C19orf44: variants seen among roughly 807,000 people sequenced by gnomAD.
C19orf44 encodes the protein chromosome 19 open reading frame 44, also known as uncharacterized protein C19orf44.
C19orf44 carries 43 observed loss-of-function variants against 50.7 expected under a neutral mutation model. That is an observed-to-expected ratio of 0.85 (90% CI 0.66 to 1.09). The LOEUF (loss-of-function observed/expected upper bound fraction) is 1.09, where lower values mean the gene tolerates loss of function less well. Ranked by LOEUF, C19orf44 falls within the 50% of genes least tolerant of loss-of-function variation. The pLI, the probability that C19orf44 is intolerant of heterozygous loss-of-function variation, is 0.00. For synonymous variants in C19orf44, 298 were observed against 334.7 expected, an observed-to-expected ratio of 0.89 and a Z score of 1.20; for missense variants, 722 against 836.2, an observed-to-expected ratio of 0.86 and a Z score of 1.68.
intron 1 of C19orf44, among the ~76,000 whole-genome samples, chr19:16,500,356 C>CTT (rs374785196): frequency 1.4e-5 from 2 of 138,508 alleles, no homozygotes; most frequent in Admixed American, 7.2e-5. Context: ...TTTTCTTTTT[C>CTT]TTTTTTTTTT....
chr19:16,510,798 C>T (rs2093455042), intron 5 of C19orf44, among the ~76,000 whole-genome samples: 1 of 152,032 alleles, frequency 6.6e-6, no homozygotes, highest in Admixed American at 6.6e-5. Flanking sequence ...TACAGTGACC[C>T]AATCATAGCT....
At chr19:16,514,440 G>A (rs547100989) in intron 6 of C19orf44, 57 bp from the exon 7 acceptor site, 24 of 1,499,892 alleles carry the variant, frequency 1.6e-5, no homozygotes, top group Middle Eastern at 3.6e-4. Context: ...GTGGGGGGGG[G>A]GCTGCAGAAT....
intron 1 of C19orf44, among the ~76,000 whole-genome samples, chr19:16,498,143 T>C (rs531142277): frequency 2.0e-5 from 3 of 152,248 alleles, no homozygotes; most frequent in South Asian, 4.2e-4. Flanking sequence ...TTGCATACAT[T>C]TGCATTTCTC....
intron 6 of C19orf44, 59 bp downstream of exon 6, chr19:16,513,168 C>T: frequency 2.0e-6 from 3 of 1,526,606 alleles, no homozygotes; most frequent in Non-Finnish European, 2.7e-6. Context: ...ATTTCACCTG[C>T]AGATTCACAC....
chr19:16,497,108 G>C (rs2093411533), intron 1 of C19orf44, among the ~76,000 whole-genome samples: 1 of 151,988 alleles, frequency 6.6e-6, no homozygotes, highest in Non-Finnish European at 1.5e-5. Flanking sequence ...ACTGCACTCC[G>C]GCTAATTTTT....
chr19:16,504,631 G>A (rs111330967), intron 3 of C19orf44, among the ~76,000 whole-genome samples: 54 of 151,110 alleles, frequency 3.6e-4, no homozygotes, highest in Non-Finnish European at 7.2e-4. Context: ...TTGTTTTTTT[G>A]AGATGTTGCC....
intron 1 of C19orf44, among the ~76,000 whole-genome samples, chr19:16,498,615 G>T (rs1046469925): frequency 6.6e-6 from 1 of 151,392 alleles, no homozygotes; most frequent in Non-Finnish European, 1.5e-5. Flanking sequence ...CACTTGTTAC[G>T]TGTATTTTTG....
At chr19:16,506,467 C>T (rs2093440919) in intron 3 of C19orf44, among the ~76,000 whole-genome samples, 1 of 151,988 alleles carries the variant, frequency 6.6e-6, no homozygotes, top group African/African-American at 2.4e-5. Context: ...GTGTCAGGCA[C>T]CTGTAATCCC....
At chr19:16,514,154 A>AT (rs531759810) in intron 6 of C19orf44, among the ~76,000 whole-genome samples, 8,612 of 144,940 alleles carry the variant, frequency 0.059, 256 homozygotes, top group South Asian at 0.082. Context: ...CACCTGGCTA[A>AT]TTTTTTTTTT....
At position 16,501,067 on chromosome 19, in the gene C19orf44, C is replaced by T; in HGVS notation, c.275C>T (p.Ala92Val). ...ACTGCCTCCAGGATCCGAGCCAATG[C>T]CGCACTCATGAAGCTGGCCCAGCTG... is the stretch of plus-strand genomic sequence containing the variant. The part of the protein sequence containing the change: ...PTTASRIRAN[A>V]ALMKLAQLET... Residue 92 changes from alanine to valine, a missense_variant, in exon 2 of 9, where the codon GCC (alanine) becomes GTC (valine). Ala to Val is a moderately conservative substitution (Grantham distance 64). Transcript: ENST00000221671. 6.2e-7 allele frequency: 1 copy of T among 1,614,138 alleles called. No homozygotes were observed. Among genetic ancestry groups the T allele is most frequent in the African/African-American group, 1.3e-5 (1 of 75,052 alleles).
intron 8 of C19orf44, chr19:16,518,639 G>A (rs2085572111): frequency 6.5e-6 from 1 of 154,020 alleles, no homozygotes; most frequent in Admixed American, 6.5e-5. Flanking sequence ...TTGTGTTTCT[G>A]TTTTTCAATC....
chr19:16,519,013 G>A lies in C19orf44; in HGVS notation c.*41-1081G>A, dbSNP rs547989327. ...AGCACGGCGTTCCCACTGGGCATGC[G>A]CTGGTCTTCCTTCTCTTCCTGTGGC... On this transcript the variant is annotated intron_variant, in intron 8 of 8. Transcript: ENST00000221671. The surrounding 1 kb of genome is among the most constrained non-coding windows in gnomAD (Gnocchi z 6.0). The A allele has an allele frequency of 5.2e-5, 40 of 772,944 alleles. No homozygotes were observed. In the African/African-American group the frequency reaches 5.6e-4, roughly 11 times the overall value. The allele number at this position is 772,944 out of a possible 1,614,324, so 47.9% of individuals were successfully genotyped here. A position where few individuals can be genotyped will look rare whatever the true frequency, so the allele number is the denominator to read the frequency against.
chr19:16,498,861 G>A (rs770641241), intron 1 of C19orf44, among the ~76,000 whole-genome samples: 3 of 151,424 alleles, frequency 2.0e-5, no homozygotes, highest in Non-Finnish European at 4.4e-5. Flanking sequence ...TAGTAGAGAC[G>A]GGGTTTCACT....
intron 4 of C19orf44, among the ~76,000 whole-genome samples, chr19:16,508,864 A>G (rs1378683794): frequency 6.6e-6 from 1 of 151,610 alleles, no homozygotes; most frequent in Non-Finnish European, 1.5e-5. Context: ...CTTGTTGCCC[A>G]GGCCGGAGTG....
chr19:16,511,727 C>A (rs1033108675), intron 5 of C19orf44, among the ~76,000 whole-genome samples: 1 of 152,062 alleles, frequency 6.6e-6, no homozygotes, highest in Non-Finnish European at 1.5e-5. Context: ...ACTAGAGGCG[C>A]CTGGCTAATA....
At position 16,520,384 on chromosome 19, in the gene C19orf44, G is replaced by C; in HGVS notation, c.*331G>C. The C allele has an allele frequency of 6.2e-7, 1 of 1,614,080 alleles. No individual in the cohort carries two copies. Among genetic ancestry groups the C allele is most frequent in the Non-Finnish European group, 8.5e-7 (1 of 1,179,994 alleles). ...CCTACCTAGATCTGGAGCGGGAGTA[G>C]GAACGGGAGCAGGAGCGCGACCTTG... On this transcript the variant is annotated 3_prime_UTR_variant, in exon 9 of 9. Transcript: ENST00000221671. This position sits in a 1 kb window ranked among gnomAD's most constrained non-coding sequence, Gnocchi z 4.0.
intron 8 of C19orf44, among the ~76,000 whole-genome samples, chr19:16,517,661 C>A (rs1215821724): frequency 6.6e-6 from 1 of 152,228 alleles, no homozygotes; most frequent in African/African-American, 2.4e-5. Context: ...CCAGCCTCTG[C>A]AGAGCAGCTC....
intron 6 of C19orf44, 126 bp downstream of exon 6, chr19:16,513,235 G>C: frequency 1.1e-6 from 1 of 903,068 alleles, no homozygotes; most frequent in African/African-American, 1.7e-5. Flanking sequence ...CATTGGGCAG[G>C]GATTATTGCA....
Position 16,519,112 on chromosome 19 carries a change from C to T in C19orf44, c.*41-982C>T, listed in dbSNP as rs553300537. On this transcript the variant is annotated intron_variant, in intron 8 of 8. Coordinates refer to ENST00000221671, the MANE Select transcript of C19orf44 (RefSeq NM_032207.4). This position sits in a 1 kb window ranked among gnomAD's most constrained non-coding sequence, Gnocchi z 6.0. Reference sequence around the variant, plus strand: ...CCTCTGCCAGTCAGCCAGGAAGGTCCCACAGCCGGCACCGCTGGCCACCGG... The same window carrying T: ...CCTCTGCCAGTCAGCCAGGAAGGTCTCACAGCCGGCACCGCTGGCCACCGG... 4 of 1,556,102 alleles carry T rather than the reference C, an allele frequency of 2.6e-6. No homozygotes were observed. In the African/African-American group the frequency reaches 4.1e-5, roughly 16 times the overall value.
Sources: gnomAD v4.1 joint callset for allele counts (sites outside exome capture counted in the v4.1 genomes callset) on GRCh38, gnomAD v4.1.1 for gene constraint, Gnocchi (gnomAD v3.1) non-coding constraint, MANE v1.5 for transcripts, NCBI Gene and HGNC (gene_info 2026-07-23, HGNC 2026-07-21) for gene names.